Variants in USP9X observed in about 807,000 individuals in gnomAD.
USP9X encodes the protein ubiquitin specific peptidase 9 X-linked, also known as ubiquitin carboxyl-terminal hydrolase 9X.
USP9X carries 7 observed loss-of-function variants against 190.3 expected under a neutral mutation model. That is an observed-to-expected ratio of 0.04 (90% CI 0.02 to 0.07). USP9X has a LOEUF of 0.07. USP9X is among the 10% of genes least tolerant of loss of function. The probability of loss-of-function intolerance (pLI) is 1.00; values close to 1 mark genes in which losing one functional copy is unlikely to be tolerated. For synonymous variants in USP9X, 645 were observed against 659.5 expected (o/e 0.98, Z 0.34); for missense variants, 1,010 against 1,916.9 (o/e 0.53, Z 8.83).
At chrX:41,156,057 G>A (rs772580741) in intron 14 of USP9X, among the ~76,000 whole-genome samples, 4 of 112,285 alleles carry the variant, frequency 3.6e-5, no homozygotes, top group Non-Finnish European at 7.5e-5. Flanking sequence ...GGATTTTCAC[G>A]TCTGGAATGG....
chrX:41,202,893 C>T (rs1483857561), intron 31 of USP9X, among the ~76,000 whole-genome samples: 2 of 111,744 alleles, frequency 1.8e-5, no homozygotes, highest in Non-Finnish European at 3.8e-5. Context: ...GTATCCTCTG[C>T]TCCATGTTGT....
intron 12 of USP9X, 121 bp downstream of exon 12, chrX:41,148,696 CTT>C: frequency 1.4e-6 from 1 of 703,743 alleles, no homozygotes; most frequent in Non-Finnish European, 2.1e-6. Context: ...CCGGAGTTGA[CTT>C]TTTTTGTTCA....
chrX:41,203,881 A>G (rs2063065969), intron 31 of USP9X, among the ~76,000 whole-genome samples: 1 of 110,856 alleles, frequency 9.0e-6, no homozygotes, highest in African/African-American at 3.3e-5. Flanking sequence ...TATTTTTAGT[A>G]GAGATGGGAT....
intron 25 of USP9X, among the ~76,000 whole-genome samples, chrX:41,189,073 G>T (rs963738319): frequency 4.5e-5 from 5 of 112,165 alleles, no homozygotes; most frequent in African/African-American, 1.6e-4. Context: ...AGTGTGCTCA[G>T]TGTGCTCCTT....
At chrX:41,181,660 G>A (rs2062828328) in intron 21 of USP9X, among the ~76,000 whole-genome samples, 1 of 108,602 alleles carries the variant, frequency 9.2e-6, no homozygotes, top group South Asian at 4.1e-4. Context: ...TGTTGGTCAG[G>A]CTAGTCTTGA....
intron 26 of USP9X, among the ~76,000 whole-genome samples, chrX:41,192,331 C>A (rs2062944157): frequency 8.9e-6 from 1 of 111,841 alleles, no homozygotes; most frequent in Non-Finnish European, 1.9e-5. Context: ...TTTCCTAGAC[C>A]TCTGTTCCTG....
chrX:41,128,857 A>G, intron 2 of USP9X, 143 bp from the exon 3 acceptor site: 1 of 616,112 alleles, frequency 1.6e-6, no homozygotes, highest in Non-Finnish European at 2.5e-6. Flanking sequence ...TTGTTGGTTG[A>G]CTTTGCAGAT....
chrX:41,223,136 C>G (rs2063280006), intron 38 of USP9X, 81 bp from the exon 39 acceptor site: 2 of 935,288 alleles, frequency 2.1e-6, no homozygotes, highest in Admixed American at 6.5e-5. Context: ...TTGTTTTATT[C>G]ATGAAGCCCT....
intron 11 of USP9X, 27 bp downstream of exon 11, chrX:41,144,653 C>T (rs1278287875): frequency 9.4e-7 from 1 of 1,067,262 alleles, no homozygotes; most frequent in Non-Finnish European, 1.3e-6. Context: ...CAAAATATTA[C>T]CATTCTATTT....
intron 1 of USP9X, among the ~76,000 whole-genome samples, chrX:41,106,024 G>C (rs966640086): frequency 8.9e-6 from 1 of 112,107 alleles, no homozygotes; most frequent in Non-Finnish European, 1.9e-5. Flanking sequence ...CTAGATACAA[G>C]TCCCTTACTG....
At chrX:41,200,149 AATTG>A (rs1237924097) in intron 30 of USP9X, among the ~76,000 whole-genome samples, 2 of 112,045 alleles carry the variant, frequency 1.8e-5, no homozygotes, top group Non-Finnish European at 3.8e-5. Flanking sequence ...TTTCTGAATA[AATTG>A]ATTGCTTAAA....
chrX:41,174,851 C>T (rs765781149), intron 21 of USP9X, among the ~76,000 whole-genome samples: 4 of 111,254 alleles, frequency 3.6e-5, no homozygotes, highest in South Asian at 3.8e-4. Context: ...AAAAATTAGC[C>T]GGGCGTGTTA....
chrX:41,200,172 C>A (rs1204908765), intron 30 of USP9X, among the ~76,000 whole-genome samples: 3 of 110,608 alleles, frequency 2.7e-5, no homozygotes, highest in Non-Finnish European at 5.7e-5. Context: ...AAAGGTTAGA[C>A]CTTTAGCTGT....
chrX:41,162,939 A>G, intron 15 of USP9X, 62 bp downstream of exon 15: 2 of 951,046 alleles, frequency 2.1e-6, no homozygotes, highest in Non-Finnish European at 2.9e-6. Flanking sequence ...CAGAATGAAT[A>G]GACTGTATAG....
intron 5 of USP9X, among the ~76,000 whole-genome samples, chrX:41,135,924 C>T (rs2062369066): frequency 9.1e-6 from 1 of 110,249 alleles, no homozygotes; most frequent in Non-Finnish European, 1.9e-5. Flanking sequence ...AGCCCCCATG[C>T]CCGGCCTCTG....
chrX:41,179,880 CT>C (rs1364490333), intron 21 of USP9X, among the ~76,000 whole-genome samples: 1 of 111,899 alleles, frequency 8.9e-6, no homozygotes, highest in Non-Finnish European at 1.9e-5. Flanking sequence ...AACTTCACAA[CT>C]TCAGCTAAAC....
chrX:41,142,689 A>G (rs901248757), intron 9 of USP9X, among the ~76,000 whole-genome samples: 9 of 111,635 alleles, frequency 8.1e-5, no homozygotes, highest in African/African-American at 2.0e-4. Flanking sequence ...TTCTGTTGCT[A>G]TAGATTAAAT....
intron 1 of USP9X, among the ~76,000 whole-genome samples, chrX:41,099,024 C>G (rs1476871269): frequency 9.4e-6 from 1 of 106,693 alleles, no homozygotes; most frequent in Non-Finnish European, 1.9e-5. Flanking sequence ...CTTCCAGGCT[C>G]TAGCGATTCC....
At chrX:41,123,426 T>A (rs2062207477) in intron 1 of USP9X, 45 bp from the exon 2 acceptor site, 1 of 401,355 alleles carries the variant, frequency 2.5e-6, no homozygotes, top group Admixed American at 4.5e-5. Flanking sequence ...TAATTCATGT[T>A]TTTTATATCT....
Sources: gnomAD v4.1 joint callset for allele counts (sites outside exome capture counted in the v4.1 genomes callset) on GRCh38, gnomAD v4.1.1 for gene constraint, MANE v1.5 for transcripts, NCBI Gene and HGNC (gene_info 2026-07-23, HGNC 2026-07-21) for gene names.